Variants in INPP4B observed in about 807,000 individuals in gnomAD.
INPP4B encodes the protein inositol polyphosphate-4-phosphatase type II B.
Under a neutral mutation model 122.5 loss-of-function variants are expected in INPP4B, and 55 were observed. The ratio of observed to expected loss-of-function variants is 0.45; its 90% confidence interval spans 0.36 to 0.56. The LOEUF is 0.56. INPP4B is among the 20% of genes least tolerant of loss of function. INPP4B has a pLI of 0.00. For missense variants in INPP4B, 1,000 were observed against 1,097.7 expected (o/e 0.91, Z 1.26); for synonymous variants, 403 against 388.7 (o/e 1.04, Z -0.43).
At chr4:142,267,559 A>G (rs2150505248) in intron 10 of INPP4B, among the ~76,000 whole-genome samples, 1 of 152,322 alleles carries the variant, frequency 6.6e-6, no homozygotes. Context: ...GCTCATGCAC[A>G]AAAATCAACT....
At chr4:142,601,507 T>G (rs1464912391) in intron 2 of INPP4B, among the ~76,000 whole-genome samples, 1 of 143,818 alleles carries the variant, frequency 7.0e-6, no homozygotes, top group Non-Finnish European at 1.5e-5. Flanking sequence ...TAAATAAAAA[T>G]GGAAACATGA....
At chr4:142,758,116 A>C (rs1452308907) in intron 1 of INPP4B, among the ~76,000 whole-genome samples, 2 of 152,154 alleles carry the variant, frequency 1.3e-5, no homozygotes, top group East Asian at 3.9e-4. Flanking sequence ...ATAGTTTTTA[A>C]AAAGATATTT....
chr4:142,046,160 G>A (rs922249252), intron 25 of INPP4B, among the ~76,000 whole-genome samples: 1 of 152,050 alleles, frequency 6.6e-6, no homozygotes, highest in Non-Finnish European at 1.5e-5. Context: ...CTGGGCTCTA[G>A]TCATAACTAT....
chr4:142,412,966 T>A (rs527638483), intron 5 of INPP4B, among the ~76,000 whole-genome samples: 2 of 152,074 alleles, frequency 1.3e-5, no homozygotes, highest in Non-Finnish European at 1.5e-5. Context: ...AACCACAGCT[T>A]CTCCCCTCAG....
intron 2 of INPP4B, among the ~76,000 whole-genome samples, chr4:142,587,451 C>T (rs924070522): frequency 6.6e-6 from 1 of 151,598 alleles, no homozygotes; most frequent in Admixed American, 6.6e-5. Context: ...AATTAATAAC[C>T]TTCTGAAAAA....
rs147476677 is a variant in INPP4B at position 142,177,493 on chromosome 4, G to C, written c.1182-3684C>G. 3.9e-3 allele frequency among the ~76,000 whole-genome samples: 595 copies of C among 152,164 alleles called. 6 individuals carry two copies. The highest frequency in any genetic ancestry group is 0.013 in the African/African-American group (557 of 41,524). ...CACTTGAGTCAACGATCAATCAGATGACTCTGGAAGAAAGGCAAAATATTT... is the reference window on the plus strand; with the variant it reads ...CACTTGAGTCAACGATCAATCAGATCACTCTGGAAGAAAGGCAAAATATTT... On this transcript the variant is annotated intron_variant, in intron 15 of 25. Transcript: ENST00000262992.
At chr4:142,534,182 C>A (rs1301196348) in intron 2 of INPP4B, among the ~76,000 whole-genome samples, 1 of 152,062 alleles carries the variant, frequency 6.6e-6, no homozygotes, top group Non-Finnish European at 1.5e-5. Flanking sequence ...TCTAGCATAA[C>A]CTAGCCCATC....
Position 142,636,353 on chromosome 4 carries a change from CA to C in INPP4B, c.-191+89485del, listed in dbSNP as rs201669252. On this transcript the variant is annotated intron_variant, in intron 2 of 25. Coordinates refer to ENST00000262992, the MANE Select transcript of INPP4B (RefSeq NM_001101669.3). Reference sequence around the variant, plus strand: ...CAAAAGTCAAATACCTAGAAATAAACAAAATAAATAATGTGTAAAACCTATA... The same window carrying C: ...CAAAAGTCAAATACCTAGAAATAAACAAATAAATAATGTGTAAAACCTATA... Among the ~76,000 whole-genome samples the C allele has an allele frequency of 2.6e-3, 402 of 151,876 alleles. 6 individuals carry two copies. Among genetic ancestry groups the C allele is most frequent in the East Asian group, 0.018 (94 of 5,170 alleles).
intron 23 of INPP4B, among the ~76,000 whole-genome samples, chr4:142,092,246 G>C (rs182008328): frequency 6.6e-6 from 1 of 152,240 alleles, no homozygotes; most frequent in African/African-American, 2.4e-5. Flanking sequence ...TAACATAAGA[G>C]ATAAGAGCAG....
chr4:142,387,237 CTTTG>C (rs1796249874), intron 7 of INPP4B, among the ~76,000 whole-genome samples: 1 of 152,012 alleles, frequency 6.6e-6, no homozygotes. Flanking sequence ...TGCTCTACCC[CTTTG>C]TTTCATTTTT....
chr4:142,608,737 C>A (rs1741850138), intron 2 of INPP4B, among the ~76,000 whole-genome samples: 1 of 152,152 alleles, frequency 6.6e-6, no homozygotes, highest in East Asian at 1.9e-4. Flanking sequence ...ACCAAAATCT[C>A]AACAGAGTCT....
intron 2 of INPP4B, among the ~76,000 whole-genome samples, chr4:142,631,292 T>C (rs1162745614): frequency 6.6e-6 from 1 of 152,084 alleles, no homozygotes; most frequent in East Asian, 1.9e-4. Flanking sequence ...GTATGATAAT[T>C]AAAATTAAAC....
intron 9 of INPP4B, among the ~76,000 whole-genome samples, chr4:142,275,975 T>C (rs1748202762): frequency 6.6e-6 from 1 of 151,740 alleles, no homozygotes; most frequent in African/African-American, 2.4e-5. Flanking sequence ...ACCTAACCTT[T>C]CATTCTCTCA....
chr4:142,374,237 T>C (rs1325307688), intron 7 of INPP4B, among the ~76,000 whole-genome samples: 2 of 151,916 alleles, frequency 1.3e-5, no homozygotes, highest in Admixed American at 6.6e-5. Context: ...ATTACAGAAT[T>C]AATTGTGTTG....
At chr4:142,695,717 T>C (rs1322853668) in intron 2 of INPP4B, among the ~76,000 whole-genome samples, 1 of 152,190 alleles carries the variant, frequency 6.6e-6, no homozygotes, top group East Asian at 1.9e-4. Context: ...AAATCAGTTA[T>C]ATAATGCTCA....
Position 142,124,775 on chromosome 4 carries a change from T to C in INPP4B, c.1721-15A>G. On this transcript the variant is annotated splice_polypyrimidine_tract_variant and intron_variant, in intron 18 of 25. Transcript: ENST00000262992. ...ATACCAGTCCTCTGGGGGAAGGGGGTGTAAGAACAGTGCAATAGATGAAGG... is the reference window on the plus strand; with the variant it reads ...ATACCAGTCCTCTGGGGGAAGGGGGCGTAAGAACAGTGCAATAGATGAAGG... 6.6e-7 allele frequency: 1 copy of C among 1,508,838 alleles called. No individual in the cohort carries two copies. Among genetic ancestry groups the C allele is most frequent in the Non-Finnish European group, 8.9e-7 (1 of 1,120,986 alleles). 93.5% of individuals were successfully genotyped at this position (1,508,838 alleles called of 1,614,324 possible). A position where few individuals can be genotyped will look rare whatever the true frequency, so the allele number is the denominator to read the frequency against.
chr4:142,413,407 A>G (rs1230284072), intron 5 of INPP4B, among the ~76,000 whole-genome samples: 2 of 152,196 alleles, frequency 1.3e-5, no homozygotes, highest in East Asian at 3.8e-4. Context: ...AAATGAGTGA[A>G]TAAACACACA....
chr4:142,661,223 T>C (rs1755118094), intron 2 of INPP4B, among the ~76,000 whole-genome samples: 1 of 152,176 alleles, frequency 6.6e-6, no homozygotes, highest in South Asian at 2.1e-4. Context: ...TTTGTGGCCT[T>C]GGGATGGACA....
At chr4:142,536,813 G>A (rs1828250953) in intron 2 of INPP4B, among the ~76,000 whole-genome samples, 1 of 152,036 alleles carries the variant, frequency 6.6e-6, no homozygotes, top group Admixed American at 6.6e-5. Flanking sequence ...TCTTTTTCGA[G>A]ACGGAGTCTT....
Sources: allele counts gnomAD v4.1 joint callset (sites outside exome capture counted in the v4.1 genomes callset), GRCh38; gene constraint gnomAD v4.1.1; transcripts MANE v1.5; gene names NCBI Gene and HGNC (gene_info 2026-07-23, HGNC 2026-07-21).